RNF217: variants seen among roughly 807,000 people sequenced by gnomAD.
RNF217 encodes the protein E3 ubiquitin-protein ligase RNF217.
RNF217 carries 31 observed loss-of-function variants against 57.8 expected under a neutral mutation model. The observed-to-expected ratio is 0.54, with a 90% CI of 0.40 to 0.72. The LOEUF is 0.72. Ranked by LOEUF, RNF217 falls within the 30% of genes least tolerant of loss-of-function variation. RNF217 has a pLI of 0.00. For synonymous variants in RNF217, 313 were observed against 294.0 expected (o/e 1.06, Z -0.66); for missense variants, 696 against 708.3 (o/e 0.98, Z 0.20).
At chr6:125,050,514 CA>C (rs2114556329) in intron 2 of RNF217, among the ~76,000 whole-genome samples, 1 of 152,030 alleles carries the variant, frequency 6.6e-6, no homozygotes, top group African/African-American at 2.4e-5. Context: ...AAACACTACA[CA>C]AATATTTTCT....
At chr6:125,002,860 T>C (rs1042339606) in intron 1 of RNF217, among the ~76,000 whole-genome samples, 2 of 152,190 alleles carry the variant, frequency 1.3e-5, no homozygotes, top group African/African-American at 2.4e-5. Flanking sequence ...CAGACTTTAT[T>C]AGGCAGAGGA....
At chr6:124,998,563 G>C (rs1483540894) in intron 1 of RNF217, among the ~76,000 whole-genome samples, 3 of 152,178 alleles carry the variant, frequency 2.0e-5, no homozygotes, top group African/African-American at 7.2e-5. Flanking sequence ...ACTTTGGGAG[G>C]CCAAGGTGGG....
intron 2 of RNF217, chr6:125,046,699 A>T: frequency 2.2e-6 from 1 of 455,784 alleles, no homozygotes; most frequent in Non-Finnish European, 4.4e-6. Context: ...TGAGAGCAGC[A>T]GTTACATTAT....
intron 3 of RNF217, 108 bp from the exon 4 acceptor site, chr6:125,076,549 A>G (rs967174465): frequency 2.9e-6 from 2 of 688,802 alleles, no homozygotes; most frequent in Non-Finnish European, 5.2e-6. Context: ...GCTGTGAGAG[A>G]CTTTTATTTT....
At chr6:124,991,971 C>CGA (rs1308596493) in intron 1 of RNF217, among the ~76,000 whole-genome samples, 2 of 152,140 alleles carry the variant, frequency 1.3e-5, no homozygotes, top group Non-Finnish European at 2.9e-5. Context: ...GTCATTAGTC[C>CGA]ATGACTGATA....
rs1219350199 is a variant in RNF217 at position 125,044,255 on chromosome 6, C to A, written c.883-956C>A. On this transcript the variant is annotated intron_variant, in intron 1 of 5. Coordinates refer to ENST00000521654, the MANE Select transcript of RNF217 (RefSeq NM_001286398.3). Reference sequence around the variant, plus strand: ...TTGTCATTTGGAGTTTTTAGTGCCTCCCTGTACTACATTAGGATGGACAAA... The same window carrying A: ...TTGTCATTTGGAGTTTTTAGTGCCTACCTGTACTACATTAGGATGGACAAA... Among the ~76,000 whole-genome samples the A allele has an allele frequency of 2.0e-5, 3 of 151,912 alleles. No homozygotes were observed. The East Asian group carries it at 5.8e-4, about 29-fold the overall frequency.
At position 125,088,384 on chromosome 6, in the gene RNF217, C is replaced by A. The variant is rs550371635; in HGVS notation, c.*5447C>A. On this transcript the variant is annotated 3_prime_UTR_variant, in exon 6 of 6. Coordinates refer to ENST00000521654, the MANE Select transcript of RNF217 (RefSeq NM_001286398.3). ...TCTGATTTTGAAAATAGAACAAATACACATTTCATAGCCAAACTTTGTGTG... is the reference window on the plus strand; with the variant it reads ...TCTGATTTTGAAAATAGAACAAATAAACATTTCATAGCCAAACTTTGTGTG... The A allele has an allele frequency of 1.3e-5, 2 of 152,100 alleles. No individual in the cohort carries two copies. The highest frequency in any genetic ancestry group is 2.9e-5 in the Non-Finnish European group (2 of 68,004). The allele number at this position is 152,100 out of a possible 1,614,324, so 9.4% of individuals were successfully genotyped here. A position where few individuals can be genotyped will look rare whatever the true frequency, so the allele number is the denominator to read the frequency against.
intron 1 of RNF217, among the ~76,000 whole-genome samples, chr6:125,021,874 T>C (rs1376254763): frequency 6.6e-6 from 1 of 152,012 alleles, no homozygotes; most frequent in Non-Finnish European, 1.5e-5. Context: ...CATTAAACAC[T>C]TTCCCATGCC....
intron 1 of RNF217, among the ~76,000 whole-genome samples, chr6:125,012,833 C>A (rs540591379): frequency 6.6e-6 from 1 of 152,178 alleles, no homozygotes; most frequent in African/African-American, 2.4e-5. Context: ...TATTTATATG[C>A]TTATGTTTTG....
At chr6:124,966,932 C>A (rs189054610) in intron 1 of RNF217, among the ~76,000 whole-genome samples, 1 of 152,192 alleles carries the variant, frequency 6.6e-6, no homozygotes, top group Non-Finnish European at 1.5e-5. Flanking sequence ...TAGTTCTTCT[C>A]CAGTTATTGC....
chr6:125,047,987 T>A (rs1269371669), intron 2 of RNF217, among the ~76,000 whole-genome samples: 1 of 152,126 alleles, frequency 6.6e-6, no homozygotes, highest in Non-Finnish European at 1.5e-5. Flanking sequence ...ATCTCCTTGA[T>A]CTATGCTGTA....
chr6:125,043,835 G>C (rs1786981406), intron 1 of RNF217, among the ~76,000 whole-genome samples: 3 of 152,066 alleles, frequency 2.0e-5, no homozygotes, highest in Admixed American at 2.0e-4. Flanking sequence ...GTTTTGTACA[G>C]TAGTAGCATA....
chr6:124,967,801 AGAATCTCCCTC>A (rs902811184), intron 1 of RNF217, among the ~76,000 whole-genome samples: 1 of 151,850 alleles, frequency 6.6e-6, no homozygotes, highest in African/African-American at 2.4e-5. Context: ...TTTCTTTGAG[AGAATCTCCCTC>A]TTGTCGCCCA....
At chr6:125,012,227 A>G (rs1785440694) in intron 1 of RNF217, among the ~76,000 whole-genome samples, 1 of 152,236 alleles carries the variant, frequency 6.6e-6, no homozygotes, top group African/African-American at 2.4e-5. Context: ...CATATACAAT[A>G]CTAAAAATGA....
chr6:124,963,425 A>T lies in RNF217; in HGVS notation c.881A>T (p.Gln294Leu), dbSNP rs1783387167. ...TGCCTCAAAGTCTACCTGAGCGCCC[A>T]GGTAACTTCACCCCCTTCTCTTCCC... is the stretch of plus-strand genomic sequence containing the variant. Reference protein sequence around the residue: ...EECLKVYLSAQVQLGQVEIKC... With the variant: ...EECLKVYLSALVQLGQVEIKC... The change falls in exon 1 of 6, where the codon CAG becomes CTG. Residue 294 changes from glutamine to leucine, a missense_variant and splice_region_variant. Gln to Leu is a moderately radical substitution (Grantham distance 113). Coordinates refer to ENST00000521654, the MANE Select transcript of RNF217 (RefSeq NM_001286398.3). The T allele has an allele frequency of 1.4e-6, 2 of 1,456,962 alleles. No homozygotes were observed. The highest frequency in any genetic ancestry group is 2.8e-5 in the South Asian group (2 of 70,598). 90.3% of individuals were successfully genotyped at this position (1,456,962 alleles called of 1,614,324 possible). A position where few individuals can be genotyped will look rare whatever the true frequency, so the allele number is the denominator to read the frequency against.
intron 1 of RNF217, among the ~76,000 whole-genome samples, chr6:125,040,729 AG>A (rs1786847665): frequency 6.6e-6 from 1 of 152,188 alleles, no homozygotes; most frequent in African/African-American, 2.4e-5. Flanking sequence ...CACATCAAAA[AG>A]CTTATCCACC....
chr6:125,071,810 A>C (rs6911561), intron 3 of RNF217, among the ~76,000 whole-genome samples: 1 of 151,936 alleles, frequency 6.6e-6, no homozygotes, highest in African/African-American at 2.4e-5. Flanking sequence ...AATGTCATTC[A>C]TGATTTATGA....
At chr6:125,028,484 T>A (rs1786208661) in intron 1 of RNF217, among the ~76,000 whole-genome samples, 1 of 152,166 alleles carries the variant, frequency 6.6e-6, no homozygotes, top group Non-Finnish European at 1.5e-5. Flanking sequence ...GGAACTATAC[T>A]GAATGAATAT....
intron 1 of RNF217, among the ~76,000 whole-genome samples, chr6:124,984,505 C>T (rs187648916): frequency 6.3e-4 from 90 of 142,512 alleles, no homozygotes; most frequent in African/African-American, 2.0e-3. Flanking sequence ...GTTGTGATCA[C>T]ACCTCCAGCC....
Sources: allele counts gnomAD v4.1 joint callset (sites outside exome capture counted in the v4.1 genomes callset), GRCh38; gene constraint gnomAD v4.1.1; transcripts MANE v1.5; gene names NCBI Gene and HGNC (gene_info 2026-07-23, HGNC 2026-07-21).